PLCL1: variants seen among roughly 807,000 people sequenced by gnomAD.
PLCL1 encodes the protein inactive phospholipase C-like protein 1.
In PLCL1, 41 loss-of-function variants were observed where a neutral mutation model predicts 84.4. That is an observed-to-expected ratio of 0.49 (90% CI 0.38 to 0.63). The LOEUF (loss-of-function observed/expected upper bound fraction) is 0.63. Among genes scored for constraint, PLCL1 ranks in the 30% least tolerant of loss-of-function variants. The pLI is 0.00. For missense variants in PLCL1, 1,206 were observed against 1,367.8 expected, an observed-to-expected ratio of 0.88 and a Z score of 1.87; for synonymous variants, 490 against 488.3, an observed-to-expected ratio of 1.00 and a Z score of -0.05.
chr2:197,865,766 A>G (rs1370893453), intron 1 of PLCL1, among the ~76,000 whole-genome samples: 2 of 151,734 alleles, frequency 1.3e-5, no homozygotes, highest in Non-Finnish European at 2.9e-5. Context: ...TAATCCCAGC[A>G]CTTTGGGAGG....
At chr2:198,075,988 A>G (rs1037754531) in intron 1 of PLCL1, among the ~76,000 whole-genome samples, 1 of 152,242 alleles carries the variant, frequency 6.6e-6, no homozygotes, top group Non-Finnish European at 1.5e-5. Context: ...ATTCTTGCAG[A>G]AAAACCCTAA....
chr2:198,132,906 G>A (rs916935090), intron 5 of PLCL1, among the ~76,000 whole-genome samples: 2 of 150,634 alleles, frequency 1.3e-5, no homozygotes, highest in African/African-American at 4.9e-5. Flanking sequence ...CCTTGCCCAT[G>A]CCTATGTCCT....
chr2:198,122,914 C>A (rs534731430), intron 5 of PLCL1, among the ~76,000 whole-genome samples: 1 of 152,040 alleles, frequency 6.6e-6, no homozygotes, highest in Admixed American at 6.6e-5. Flanking sequence ...TTATGATATC[C>A]ATTTTCTACA....
At chr2:197,961,277 A>C (rs76670091) in intron 1 of PLCL1, among the ~76,000 whole-genome samples, 1 of 120,780 alleles carries the variant, frequency 8.3e-6, no homozygotes, top group East Asian at 2.9e-4. Flanking sequence ...GCGAGCATGC[A>C]TAGGTTTTAA....
rs558575457 is a variant in PLCL1, at chr2:197,805,288, G to T, written c.189G>T (p.Ala63=). The T allele has an allele frequency of 1.2e-4, 153 of 1,289,786 alleles. 1 individual carries two copies. The African/African-American group carries it at 2.3e-3, about 19-fold the overall frequency. 79.9% of individuals were successfully genotyped at this position (1,289,786 alleles called of 1,614,324 possible). A position where few individuals can be genotyped will look rare whatever the true frequency, so the allele number is the denominator to read the frequency against. ...GAAGTPADSE[A]GLLEAARATP... is the part of the protein sequence containing the mutation. ...CGGGGACCCCAGCGGACAGCGAGGC[G>T]GGCCTCCTGGAGGCAGCACGGGCGA... The change falls in exon 1 of 6, where the codon GCG becomes GCT. Residue 63 remains alanine (A), a synonymous_variant. Coordinates refer to ENST00000428675, the MANE Select transcript of PLCL1 (RefSeq NM_006226.4). The surrounding 1 kb of genome is among the most constrained non-coding windows in gnomAD (Gnocchi z 4.0).
chr2:197,989,563 T>C lies in PLCL1; in HGVS notation c.241-94195T>C, dbSNP rs80199925. ...TGACCAAGTGAGCTTGGTGCTAAGA[T>C]CATAATATACATTTAAAAGTGTTTT... On this transcript the variant is annotated intron_variant, in intron 1 of 5. Coordinates refer to ENST00000428675, the MANE Select transcript of PLCL1 (RefSeq NM_006226.4). Among the ~76,000 whole-genome samples the C allele has an allele frequency of 9.3e-3, 1,410 of 152,124 alleles. 22 individuals are homozygous for C. The highest frequency in any genetic ancestry group is 0.032 in the African/African-American group (1,336 of 41,482).
chr2:197,849,820 T>C (rs1206641949), intron 1 of PLCL1, among the ~76,000 whole-genome samples: 1 of 152,150 alleles, frequency 6.6e-6, no homozygotes, highest in Non-Finnish European at 1.5e-5. Context: ...CTTAAATCAA[T>C]ACAGAAATGT....
chr2:198,043,598 C>T (rs904437240), intron 1 of PLCL1, among the ~76,000 whole-genome samples: 1 of 152,116 alleles, frequency 6.6e-6, no homozygotes, highest in Non-Finnish European at 1.5e-5. Flanking sequence ...GAAGAGGAGA[C>T]CCAGAATCAG....
chr2:198,126,391 T>C (rs1693985429), intron 5 of PLCL1, among the ~76,000 whole-genome samples: 1 of 152,196 alleles, frequency 6.6e-6, no homozygotes, highest in African/African-American at 2.4e-5. Flanking sequence ...TTTTGCTTAG[T>C]GGCTAATCTT....
At chr2:198,031,437 A>C (rs1406100105) in intron 1 of PLCL1, among the ~76,000 whole-genome samples, 1 of 151,730 alleles carries the variant, frequency 6.6e-6, no homozygotes, top group Non-Finnish European at 1.5e-5. Context: ...ATATTAGCAA[A>C]ATTAAAGGAA....
At chr2:197,837,056 A>T (rs1346281799) in intron 1 of PLCL1, among the ~76,000 whole-genome samples, 3 of 152,182 alleles carry the variant, frequency 2.0e-5, no homozygotes, top group Non-Finnish European at 4.4e-5. Context: ...GATTAAAAAA[A>T]ATCTAAATCA....
chr2:197,860,352 C>T (rs6734561), intron 1 of PLCL1, among the ~76,000 whole-genome samples: 78,311 of 151,836 alleles, frequency 0.52, 21,098 homozygotes, highest in African/African-American at 0.66. Context: ...GTGCATGTGT[C>T]TTTATGGTGG....
chr2:198,125,506 T>C (rs573245112), intron 5 of PLCL1, among the ~76,000 whole-genome samples: 1 of 152,242 alleles, frequency 6.6e-6, no homozygotes, highest in East Asian at 1.9e-4. Context: ...GCTGAAAGAA[T>C]TAAATTCAGC....
intron 1 of PLCL1, among the ~76,000 whole-genome samples, chr2:197,950,353 GC>G (rs1689365175): frequency 6.6e-6 from 1 of 152,132 alleles, no homozygotes; most frequent in South Asian, 2.1e-4. Flanking sequence ...ACCCCGTCCA[GC>G]ACCTGAATTC....
intron 1 of PLCL1, among the ~76,000 whole-genome samples, chr2:197,894,307 G>A (rs550190768): frequency 3.9e-5 from 6 of 152,084 alleles, no homozygotes; most frequent in African/African-American, 4.8e-5. Context: ...CAGTCTTACC[G>A]TAATTCTATT....
At chr2:197,988,759 G>A (rs139064147) in intron 1 of PLCL1, among the ~76,000 whole-genome samples, 3 of 152,194 alleles carry the variant, frequency 2.0e-5, no homozygotes, top group Non-Finnish European at 2.9e-5. Context: ...TTGCTGGATC[G>A]GATGGTAGAT....
At chr2:198,021,597 C>T (rs998972411) in intron 1 of PLCL1, among the ~76,000 whole-genome samples, 2 of 152,176 alleles carry the variant, frequency 1.3e-5, no homozygotes, top group South Asian at 2.1e-4. Context: ...AAACTACCAT[C>T]GGAGAATACT....
intron 1 of PLCL1, among the ~76,000 whole-genome samples, chr2:197,908,206 G>C (rs1688419547): frequency 2.0e-5 from 3 of 152,180 alleles, no homozygotes; most frequent in Non-Finnish European, 4.4e-5. Context: ...GAGAATTTGA[G>C]CAACCCATGG....
intron 1 of PLCL1, among the ~76,000 whole-genome samples, chr2:197,978,632 A>T (rs532926988): frequency 1.3e-5 from 2 of 152,384 alleles, no homozygotes; most frequent in East Asian, 3.9e-4. Flanking sequence ...TTTAAGAAAG[A>T]TGAATAAAAA....
Sources: gnomAD v4.1 joint callset for allele counts (sites outside exome capture counted in the v4.1 genomes callset) on GRCh38, gnomAD v4.1.1 for gene constraint, Gnocchi (gnomAD v3.1) non-coding constraint, MANE v1.5 for transcripts, NCBI Gene and HGNC (gene_info 2026-07-23, HGNC 2026-07-21) for gene names.